The following LRMDA variants were observed in gnomAD, a reference collection of about 807,000 sequenced individuals.
LRMDA encodes leucine-rich melanocyte differentiation-associated protein.
A neutral mutation model predicts 29.8 loss-of-function variants in LRMDA; 18 were observed. That is an observed-to-expected ratio of 0.60 (90% CI 0.42 to 0.90). LRMDA has a LOEUF of 0.90. LRMDA is among the 40% of genes least tolerant of loss of function. LRMDA has a pLI of 0.00. For missense variants in LRMDA, 273 were observed against 273.9 expected, an observed-to-expected ratio of 1.00 and a Z score of 0.02; for synonymous variants, 125 against 109.4, an observed-to-expected ratio of 1.14 and a Z score of -0.89.
At chr10:75,512,565 A>G (rs1344600373) in intron 2 of LRMDA, among the ~76,000 whole-genome samples, 1 of 152,142 alleles carries the variant, frequency 6.6e-6, no homozygotes, top group Non-Finnish European at 1.5e-5. Context: ...TTGCTGATTT[A>G]TGTGCTGTTT....
At chr10:75,594,126 G>A (rs889399641) in intron 2 of LRMDA, among the ~76,000 whole-genome samples, 12 of 152,248 alleles carry the variant, frequency 7.9e-5, no homozygotes, top group African/African-American at 1.7e-4. Flanking sequence ...TTGGAAGACC[G>A]AAAATGTAGC....
intron 2 of LRMDA, among the ~76,000 whole-genome samples, chr10:75,857,306 C>T (rs1844843992): frequency 6.6e-6 from 1 of 152,176 alleles, no homozygotes; most frequent in Non-Finnish European, 1.5e-5. Context: ...TGTTTCCGAA[C>T]CTCCTTTCCA....
At chr10:76,415,480 G>GA (rs1480610207) in intron 6 of LRMDA, among the ~76,000 whole-genome samples, 1 of 152,106 alleles carries the variant, frequency 6.6e-6, no homozygotes, top group Non-Finnish European at 1.5e-5. Context: ...GTGTGACCTG[G>GA]AATATGTTCT....
chr10:76,123,468 C>T (rs1278686983), intron 5 of LRMDA, among the ~76,000 whole-genome samples: 1 of 152,108 alleles, frequency 6.6e-6, no homozygotes, highest in Non-Finnish European at 1.5e-5. Flanking sequence ...GTGATTGTGC[C>T]ACTGCACTCC....
rs11286208 is a variant in LRMDA, at chr10:76,521,132, A to ATT, written c.602-36059_602-36058dup. The stretch of plus-strand genomic sequence containing the variant: ...TTGCTCCATTCTATTCATTATTACC[A>ATT]TTTTTTTTTTTTTTTTTTTGAGACG... On this transcript the variant is annotated intron_variant, in intron 6 of 6. Coordinates refer to ENST00000611255, the MANE Select transcript of LRMDA (RefSeq NM_001305581.2). 3.5e-5 allele frequency among the ~76,000 whole-genome samples: 4 copies of ATT among 114,660 alleles called. No homozygotes were observed. In the East Asian group the frequency reaches 7.0e-4, roughly 20 times the overall value. 75.2% of individuals were successfully genotyped at this position (114,660 alleles called of 152,430 possible). A position where few individuals can be genotyped will look rare whatever the true frequency, so the allele number is the denominator to read the frequency against.
intron 2 of LRMDA, among the ~76,000 whole-genome samples, chr10:75,727,038 A>G (rs1325230315): frequency 6.6e-6 from 1 of 152,180 alleles, no homozygotes; most frequent in African/African-American, 2.4e-5. Flanking sequence ...TGACGTTCCC[A>G]GTAAAGGTCA....
intron 5 of LRMDA, among the ~76,000 whole-genome samples, chr10:76,228,115 G>T (rs940059912): frequency 6.6e-6 from 1 of 151,682 alleles, no homozygotes; most frequent in Non-Finnish European, 1.5e-5. Context: ...TCCGCCTCCC[G>T]GGTTCAAGTG....
intron 6 of LRMDA, chr10:76,556,278 G>C (rs1843555466): frequency 1.3e-5 from 2 of 152,110 alleles, no homozygotes; most frequent in South Asian, 4.1e-4. Context: ...CAGAGAAAGA[G>C]AGTTCAGGAT....
At chr10:76,163,557 A>G (rs553728841) in intron 5 of LRMDA, among the ~76,000 whole-genome samples, 74 of 152,268 alleles carry the variant, frequency 4.9e-4, no homozygotes, top group African/African-American at 1.7e-3. Context: ...GTGCACGTGC[A>G]TGTAGTAGAC....
chr10:75,746,486 C>G (rs1261440425), intron 2 of LRMDA, among the ~76,000 whole-genome samples: 2 of 152,182 alleles, frequency 1.3e-5, no homozygotes, highest in Non-Finnish European at 2.9e-5. Context: ...ATTAGAGAGA[C>G]ACACGTACAC....
At chr10:76,427,745 A>C (rs1842144632) in intron 6 of LRMDA, among the ~76,000 whole-genome samples, 1 of 152,194 alleles carries the variant, frequency 6.6e-6, no homozygotes, top group African/African-American at 2.4e-5. Context: ...TGGGTTTGTC[A>C]TAAATAGCTC....
chr10:76,334,498 C>T (rs1057395831), intron 6 of LRMDA, among the ~76,000 whole-genome samples: 4 of 152,228 alleles, frequency 2.6e-5, no homozygotes, highest in African/African-American at 9.6e-5. Flanking sequence ...ACGTTGTTGG[C>T]TGCAAACGGA....
intron 2 of LRMDA, among the ~76,000 whole-genome samples, chr10:75,503,160 C>T (rs1354061887): frequency 6.6e-6 from 1 of 151,904 alleles, no homozygotes; most frequent in Non-Finnish European, 1.5e-5. Context: ...GGACATGAGG[C>T]TGCCCACTGT....
At chr10:75,832,039 A>G (rs1449933802) in intron 2 of LRMDA, among the ~76,000 whole-genome samples, 1 of 152,218 alleles carries the variant, frequency 6.6e-6, no homozygotes, top group Non-Finnish European at 1.5e-5. Context: ...CATGCCCTGG[A>G]GACATTGTCC....
chr10:75,959,646 G>A (rs1846727961), intron 2 of LRMDA, among the ~76,000 whole-genome samples: 1 of 152,106 alleles, frequency 6.6e-6, no homozygotes, highest in Admixed American at 6.5e-5. Flanking sequence ...ATATATATGT[G>A]TTTGTGTGTG....
At chr10:75,440,110 G>A (rs1844310862) in intron 2 of LRMDA, among the ~76,000 whole-genome samples, 1 of 151,184 alleles carries the variant, frequency 6.6e-6, no homozygotes, top group African/African-American at 2.4e-5. Flanking sequence ...CAGGGGCCCT[G>A]CCTTTCTTTG....
chr10:76,417,990 G>A (rs1842034601), intron 6 of LRMDA, among the ~76,000 whole-genome samples: 1 of 152,054 alleles, frequency 6.6e-6, no homozygotes, highest in Non-Finnish European at 1.5e-5. Flanking sequence ...TCTCTATTCT[G>A]TCCCATTAGT....
Position 76,280,170 on chromosome 10 carries a change from AT to A in LRMDA, c.517-44229del, listed in dbSNP as rs1206195039. On this transcript the variant is annotated intron_variant, in intron 5 of 6. Coordinates refer to ENST00000611255, the MANE Select transcript of LRMDA (RefSeq NM_001305581.2). ...CCAGAGAAGAGGTATTTATACTTTGATTCAAGGAACATGAAATTAACCAGGA... is the reference window on the plus strand; with the variant it reads ...CCAGAGAAGAGGTATTTATACTTTGATCAAGGAACATGAAATTAACCAGGA... Among the ~76,000 whole-genome samples the A allele has an allele frequency of 3.3e-5, 5 of 152,356 alleles. No individual in the cohort carries two copies. In the East Asian group the frequency reaches 5.8e-4, roughly 18 times the overall value.
intron 2 of LRMDA, among the ~76,000 whole-genome samples, chr10:75,720,025 A>G (rs1408494774): frequency 2.6e-5 from 4 of 152,130 alleles, no homozygotes; most frequent in Admixed American, 2.6e-4. Flanking sequence ...TTAAAATAAA[A>G]CCCAAAATTT....
Sources: gnomAD v4.1 joint callset for allele counts (sites outside exome capture counted in the v4.1 genomes callset) on GRCh38, gnomAD v4.1.1 for gene constraint, MANE v1.5 for transcripts, NCBI Gene and HGNC (gene_info 2026-07-23, HGNC 2026-07-21) for gene names.